PON1: variants seen among roughly 807,000 people sequenced by gnomAD.
PON1 encodes paraoxonase 1, also known as serum paraoxonase/arylesterase 1.
Under a neutral mutation model 39.2 loss-of-function variants are expected in PON1, and 37 were observed. That is an observed-to-expected ratio of 0.94 (90% CI 0.73 to 1.24). The LOEUF is 1.24. PON1 is among the 50% of genes most tolerant of loss of function. PON1 has a pLI of 0.00. For synonymous variants in PON1, 148 were observed against 152.2 expected (o/e 0.97, Z 0.21); for missense variants, 397 against 413.5 (o/e 0.96, Z 0.35).
rs767367563 is a variant in PON1, at chr7:95,315,321, C to T, written c.370+1G>A. On this transcript the variant is annotated splice_donor_variant, in intron 4 of 8. Coordinates refer to ENST00000222381, the MANE Select transcript of PON1 (RefSeq NM_000446.7). LOFTEE classifies it high-confidence loss of function. ...TTTTAATAAATAGTAAATATTGTTA[C>T]CTTCATCTGTGAATGTGCTAATCCC... 1.6e-5 allele frequency: 26 copies of T among 1,610,734 alleles called. No homozygotes were observed. Among genetic ancestry groups the T allele is most frequent in the African/African-American group, 1.6e-4 (12 of 74,816 alleles).
intron 6 of PON1, among the ~76,000 whole-genome samples, chr7:95,307,195 G>T (rs1328951972): frequency 1.3e-5 from 2 of 151,876 alleles, no homozygotes; most frequent in Non-Finnish European, 2.9e-5. Flanking sequence ...TGGTAGCTGG[G>T]ATTACAGGAG....
intron 4 of PON1, among the ~76,000 whole-genome samples, chr7:95,312,253 G>T (rs1807671850): frequency 1.3e-5 from 2 of 152,166 alleles, no homozygotes; most frequent in Admixed American, 1.3e-4. Flanking sequence ...GAGTGCAATG[G>T]CGCCATCTCG....
At chr7:95,307,075 A>T (rs1184078510) in intron 6 of PON1, among the ~76,000 whole-genome samples, 26 of 56,674 alleles carry the variant, frequency 4.6e-4, no homozygotes, top group African/African-American at 4.3e-3. Flanking sequence ...TTTTTTTTTA[A>T]AAAAAAACAG....
chr7:95,307,946 A>T, intron 6 of PON1, 65 bp downstream of exon 6: 1 of 1,425,358 alleles, frequency 7.0e-7, no homozygotes, highest in Non-Finnish European at 9.9e-7. Context: ...TTAAAAAAAG[A>T]ATATATTCCA....
chr7:95,302,120 AACC>A (rs1807445656), intron 8 of PON1, 82 bp downstream of exon 8: 3 of 800,632 alleles, frequency 3.7e-6, no homozygotes, highest in African/African-American at 5.0e-5. Flanking sequence ...AAAAAAAAAA[AACC>A]AAGAATTGAG....
At position 95,324,503 on chromosome 7, in the gene PON1, G is replaced by C. The variant is rs1212905612; in HGVS notation, c.-28C>G. On this transcript the variant is annotated 5_prime_UTR_variant, in exon 1 of 9. Coordinates refer to ENST00000222381, the MANE Select transcript of PON1 (RefSeq NM_000446.7). ...TCGGGGATAGACAAAGGGATCGATG[G>C]GCGCAGACACCGACGGGCTAGGAGG... is the stretch of plus-strand genomic sequence containing the variant. 6.2e-7 allele frequency: 1 copy of C among 1,608,396 alleles called. No homozygotes were observed. The highest frequency in any genetic ancestry group is 8.5e-7 in the Non-Finnish European group (1 of 1,175,226).
Position 95,324,479 on chromosome 7 carries a change from C to G in PON1, c.-4G>C, listed in dbSNP as rs758399927. ...TGAGCGCAATCAGCTTCGCCATGGT[C>G]GGGGATAGACAAAGGGATCGATGGG... On this transcript the variant is annotated 5_prime_UTR_variant, in exon 1 of 9. Transcript: ENST00000222381. The G allele has an allele frequency of 9.9e-6, 16 of 1,613,752 alleles. No individual in the cohort carries two copies. The highest frequency in any genetic ancestry group is 1.3e-5 in the Non-Finnish European group (15 of 1,179,898).
chr7:95,316,225 G>A (rs1284908995), intron 3 of PON1, among the ~76,000 whole-genome samples: 2 of 152,150 alleles, frequency 1.3e-5, no homozygotes, highest in South Asian at 2.1e-4. Flanking sequence ...CTACCATAGC[G>A]ATCTATATGC....
intron 1 of PON1, among the ~76,000 whole-genome samples, chr7:95,319,437 A>G (rs854566): frequency 0.78 from 119,171 of 152,082 alleles, 47,180 homozygotes; most frequent in East Asian, 1. Flanking sequence ...CGCTGTCTAA[A>G]AAAATCTGAC....
At chr7:95,299,749 T>C (rs187383191) in intron 8 of PON1, among the ~76,000 whole-genome samples, 1 of 152,290 alleles carries the variant, frequency 6.6e-6, no homozygotes, top group East Asian at 1.9e-4. Context: ...TCCTCAGGCT[T>C]GCAGACCGCC....
chr7:95,320,063 A>G (rs1807861726), intron 1 of PON1, among the ~76,000 whole-genome samples: 1 of 152,230 alleles, frequency 6.6e-6, no homozygotes, highest in Non-Finnish European at 1.5e-5. Context: ...GGCAGGTACA[A>G]GATGTTAAGG....
chr7:95,321,785 T>G lies in PON1; in HGVS notation c.74+2617A>C, dbSNP rs3917479. 6.8e-4 allele frequency among the ~76,000 whole-genome samples: 103 copies of G among 152,308 alleles called. 1 individual carries two copies. Among genetic ancestry groups the G allele is most frequent in the Non-Finnish European group, 1.1e-3 (74 of 68,016 alleles). ...GCCCATTACCCACTGGAAAGACCCC[T>G]ACTCATGATGCTTTGTAGCTTCTCC... On this transcript the variant is annotated intron_variant, in intron 1 of 8. Transcript: ENST00000222381.
intron 6 of PON1, among the ~76,000 whole-genome samples, chr7:95,306,939 A>G (rs1807554583): frequency 6.6e-6 from 1 of 151,966 alleles, no homozygotes; most frequent in Non-Finnish European, 1.5e-5. Flanking sequence ...AAAAGAAATT[A>G]CTGCTCAATT....
chr7:95,312,084 T>C (rs887583189), intron 4 of PON1, among the ~76,000 whole-genome samples: 4 of 152,220 alleles, frequency 2.6e-5, no homozygotes, highest in African/African-American at 9.6e-5. Context: ...GTCTAAGCGG[T>C]CAAGAATGTG....
chr7:95,317,319 C>G (rs1444248637), intron 2 of PON1, among the ~76,000 whole-genome samples: 1 of 151,938 alleles, frequency 6.6e-6, no homozygotes, highest in Non-Finnish European at 1.5e-5. Context: ...TTACTGTCTT[C>G]AAGTTAGTTA....
chr7:95,298,681 C>A lies in PON1; in HGVS notation c.*263G>T. The A allele has an allele frequency of 1.9e-6, 1 of 531,602 alleles. No individual in the cohort carries two copies. The allele number at this position is 531,602 out of a possible 1,614,324, so 32.9% of individuals were successfully genotyped here. A position where few individuals can be genotyped will look rare whatever the true frequency, so the allele number is the denominator to read the frequency against. ...CTGTTATTTAATATCTGACAATTGA[C>A]ATAACTGATTTATCCATTTTAGTGA... is the stretch of plus-strand genomic sequence containing the variant. On this transcript the variant is annotated 3_prime_UTR_variant, in exon 9 of 9. Coordinates refer to ENST00000222381, the MANE Select transcript of PON1 (RefSeq NM_000446.7).
At chr7:95,311,698 T>TA in intron 4 of PON1, 121 bp from the exon 5 acceptor site, 2 of 1,044,008 alleles carry the variant, frequency 1.9e-6, no homozygotes, top group Non-Finnish European at 2.9e-6. Flanking sequence ...AGATGGAATA[T>TA]TTTCATCTCT....
chr7:95,300,030 A>T (rs759459847), intron 8 of PON1, among the ~76,000 whole-genome samples: 24 of 140,294 alleles, frequency 1.7e-4, no homozygotes, highest in Non-Finnish European at 3.1e-4. Flanking sequence ...TACCATACTC[A>T]TGTGTTCTGA....
intron 8 of PON1, among the ~76,000 whole-genome samples, chr7:95,299,390 G>A (rs1807366236): frequency 6.6e-6 from 1 of 152,142 alleles, no homozygotes; most frequent in Non-Finnish European, 1.5e-5. Context: ...GAGCAGTGGG[G>A]ATTTCAGTAA....
Sources: allele counts gnomAD v4.1 joint callset (sites outside exome capture counted in the v4.1 genomes callset), GRCh38; gene constraint gnomAD v4.1.1; transcripts MANE v1.5; gene names NCBI Gene and HGNC (gene_info 2026-07-23, HGNC 2026-07-21).